IK: variants seen among roughly 807,000 people sequenced by gnomAD.
IK encodes IK cytokine.
A neutral mutation model predicts 90.9 loss-of-function variants in IK; 47 were observed. The ratio of observed to expected loss-of-function variants is 0.52; its 90% confidence interval spans 0.41 to 0.66. The LOEUF is 0.66. IK is among the 30% of genes least tolerant of loss of function. IK has a pLI of 0.00. For synonymous variants in IK, 201 were observed against 227.5 expected (o/e 0.88, Z 1.05); for missense variants, 385 against 709.3 (o/e 0.54, Z 5.19).
At position 140,660,207 on chromosome 5, in the gene IK, C is replaced by G. The variant is rs1486694935; in HGVS notation, c.1355+12C>G. On this transcript the variant is annotated intron_variant, in intron 15 of 19. Coordinates refer to ENST00000417647, the MANE Select transcript of IK (RefSeq NM_006083.4). ...TGCTACCCAGCCACGTATGTGAAAC[C>G]TGGTTAAGGAAGGGAGGCTGGGATG... is the stretch of plus-strand genomic sequence containing the variant. 1 of 1,596,906 alleles carries G rather than the reference C, an allele frequency of 6.3e-7. No individual in the cohort carries two copies. The highest frequency in any genetic ancestry group is 1.3e-5 in the African/African-American group (1 of 74,210).
chr5:140,652,050 C>T, intron 3 of IK, 38 bp from the exon 4 acceptor site: 1 of 1,530,438 alleles, frequency 6.5e-7, no homozygotes, highest in Non-Finnish European at 9.1e-7. Context: ...GGGGCTGTGG[C>T]AATATTTTGC....
intron 5 of IK, 113 bp downstream of exon 5, chr5:140,653,257 G>T: frequency 1.2e-6 from 1 of 824,952 alleles, no homozygotes; most frequent in Non-Finnish European, 1.8e-6. Context: ...AGCGATTTCA[G>T]AGGCATTTGC....
intron 2 of IK, among the ~76,000 whole-genome samples, chr5:140,650,276 A>G (rs1757593065): frequency 6.6e-6 from 1 of 152,104 alleles, no homozygotes; most frequent in Non-Finnish European, 1.5e-5. Context: ...TTCCTTGGGG[A>G]GAAGAGGAAC....
chr5:140,655,897 C>T lies in IK; in HGVS notation c.706C>T (p.Arg236Cys), dbSNP rs564309430. The change falls in exon 9 of 20, where the codon CGC becomes TGC. Residue 236 changes from arginine (R) to cysteine (C), a missense_variant. Around this residue, in one of 8 missense-constraint regions of IK, gnomAD observed 46 missense variants for 50.0 expected, o/e 0.92. Coordinates refer to ENST00000417647, the MANE Select transcript of IK (RefSeq NM_006083.4). ...GCGGAATGAGTTGTTCCTGCCGGGC[C>T]GCATGGCCTATGTGGTAGACCTGGA... Reference protein sequence around the residue: ...YERNELFLPGRMAYVVDLDDE... With the variant: ...YERNELFLPGCMAYVVDLDDE... 15 of 1,600,104 alleles carry T rather than the reference C, an allele frequency of 9.4e-6. No homozygotes were observed. Among genetic ancestry groups the T allele is most frequent in the East Asian group, 2.2e-5 (1 of 44,558 alleles).
At chr5:140,659,898 T>A (rs530407164) in intron 14 of IK, 64 bp downstream of exon 14, 10 of 1,160,676 alleles carry the variant, frequency 8.6e-6, no homozygotes, top group African/African-American at 6.1e-5. Context: ...CAACCCCCCC[T>A]GCCTCCCTGC....
chr5:140,657,477 T>C lies in IK; in HGVS notation c.802-77T>C, dbSNP rs1334288538. 8 of 1,008,230 alleles carry C rather than the reference T, an allele frequency of 7.9e-6. No individual in the cohort carries two copies. The African/African-American group carries it at 1.1e-4, about 14-fold the overall frequency. 62.5% of individuals were successfully genotyped at this position (1,008,230 alleles called of 1,614,324 possible). On this transcript the variant is annotated intron_variant, in intron 9 of 19. Coordinates refer to ENST00000417647, the MANE Select transcript of IK (RefSeq NM_006083.4). ...TACTGTATTGTAATTCAGTCTTTAG[T>C]TTGTTAAGTGAATGAATGAATAAAT...
At chr5:140,648,920 C>G (rs1205815326) in intron 2 of IK, 1 of 226,746 alleles carries the variant, frequency 4.4e-6, no homozygotes, top group Non-Finnish European at 9.0e-6. Flanking sequence ...TCACCACAAC[C>G]TCCGCCTCCC....
chr5:140,658,882 A>AC, intron 11 of IK, 57 bp from the exon 12 acceptor site: 1 of 1,605,016 alleles, frequency 6.2e-7, no homozygotes, highest in Non-Finnish European at 8.5e-7. Context: ...AGAAATGGTC[A>AC]GGGGGAGTGA....
chr5:140,651,449 A>G (rs1319915650), intron 2 of IK, among the ~76,000 whole-genome samples: 1 of 150,516 alleles, frequency 6.6e-6, no homozygotes, highest in African/African-American at 2.5e-5. Context: ...AAAAAAAAAA[A>G]AAAAAAGCTG....
chr5:140,648,599 AT>A, intron 2 of IK, 62 bp downstream of exon 2: 1 of 1,450,242 alleles, frequency 6.9e-7, no homozygotes, highest in African/African-American at 1.4e-5. Context: ...AGTGGTGGTG[AT>A]GGTGAAAGAA....
At chr5:140,649,741 C>T (rs1162892206) in intron 2 of IK, among the ~76,000 whole-genome samples, 2 of 152,018 alleles carry the variant, frequency 1.3e-5, no homozygotes, top group African/African-American at 2.4e-5. Context: ...CTATGTTGGC[C>T]AGGCTGGTCT....
intron 1 of IK, chr5:140,648,135 C>G: frequency 1.4e-6 from 1 of 718,340 alleles, no homozygotes; most frequent in Non-Finnish European, 2.5e-6. Flanking sequence ...GTCCTCACTC[C>G]TACTCCAAGT....
chr5:140,660,218 AG>A, intron 15 of IK, 23 bp downstream of exon 15: 4 of 1,553,258 alleles, frequency 2.6e-6, no homozygotes, highest in Non-Finnish European at 3.5e-6. Flanking sequence ...TGGTTAAGGA[AG>A]GGAGGCTGGG....
At chr5:140,651,887 T>C in intron 3 of IK, 81 bp downstream of exon 3, 1 of 948,700 alleles carries the variant, frequency 1.1e-6, no homozygotes, top group Non-Finnish European at 1.7e-6. Flanking sequence ...AGAATGACTT[T>C]TAATAGTCCC....
Position 140,662,055 on chromosome 5 carries a change from C to T in IK, c.1611+48C>T, listed in dbSNP as rs74748743. ...TGGGAGGGTTTCAGCTGGGAGAAGACATTAGCCTGCAGATTCAGGAACAGG... is the reference window on the plus strand; with the variant it reads ...TGGGAGGGTTTCAGCTGGGAGAAGATATTAGCCTGCAGATTCAGGAACAGG... On this transcript the variant is annotated intron_variant, in intron 18 of 19. Coordinates refer to ENST00000417647, the MANE Select transcript of IK (RefSeq NM_006083.4). 229 of 1,565,678 alleles carry T rather than the reference C, an allele frequency of 1.5e-4. No homozygotes were observed. In the African/African-American group the frequency reaches 2.9e-3, roughly 20 times the overall value.
In IK at chr5:140,660,200, G is replaced by A; in HGVS notation, c.1355+5G>A. 1 of 1,597,210 alleles carries A rather than the reference G, an allele frequency of 6.3e-7. No individual in the cohort carries two copies. Among genetic ancestry groups the A allele is most frequent in the African/African-American group, 1.3e-5 (1 of 74,264 alleles). On this transcript the variant is annotated splice_donor_5th_base_variant and intron_variant, in intron 15 of 19. Coordinates refer to ENST00000417647, the MANE Select transcript of IK (RefSeq NM_006083.4). ...TGCAGAGTGCTACCCAGCCACGTAT[G>A]TGAAACCTGGTTAAGGAAGGGAGGC...
chr5:140,651,047 C>T (rs1757606773), intron 2 of IK, among the ~76,000 whole-genome samples: 1 of 152,154 alleles, frequency 6.6e-6, no homozygotes, highest in Non-Finnish European at 1.5e-5. Context: ...ATTGGTTATA[C>T]TGGTTTACAT....
At chr5:140,660,470 G>A (rs899404772) in intron 15 of IK, 1 of 535,792 alleles carries the variant, frequency 1.9e-6, no homozygotes, top group African/African-American at 1.9e-5. Context: ...GCTAGTTTTT[G>A]TATTTTTAGT....
chr5:140,659,818 TG>T lies in IK; in HGVS notation c.1261del (p.Glu421LysfsTer6). On this transcript the variant is annotated frameshift_variant, in exon 14 of 20. Transcript: ENST00000417647. LOFTEE classifies it high-confidence loss of function. ...INEKFAGSAG[W>X]EGTESLKKPE... ...TGAAAAGTTTGCTGGGTCTGCTGGC[TG>T]GGAAGGCACAGAATCATATCCTTTA... The T allele has an allele frequency of 6.3e-7, 1 of 1,597,202 alleles. No individual in the cohort carries two copies. The highest frequency in any genetic ancestry group is 8.5e-7 in the Non-Finnish European group (1 of 1,171,198).
Sources: allele counts gnomAD v4.1 joint callset (sites outside exome capture counted in the v4.1 genomes callset), GRCh38; gene constraint gnomAD v4.1.1; regional missense constraint gnomAD v4.1.1; transcripts MANE v1.5; gene names NCBI Gene and HGNC (gene_info 2026-07-23, HGNC 2026-07-21).